FBXO31: variants seen among roughly 807,000 people sequenced by gnomAD.
FBXO31 encodes the protein F-box protein 31, also known as F-box only protein 31.
In FBXO31, 24 loss-of-function variants were observed where a neutral mutation model predicts 54.4. That is an observed-to-expected ratio of 0.44 (90% CI 0.32 to 0.62). The LOEUF (loss-of-function observed/expected upper bound fraction) is 0.62. FBXO31 is among the 20% of genes least tolerant of loss of function. The probability of loss-of-function intolerance (pLI) is 0.05; values close to 1 mark genes in which losing one functional copy is unlikely to be tolerated. For synonymous variants in FBXO31, 388 were observed against 335.6 expected (o/e 1.16, Z -1.71); for missense variants, 665 against 787.1 (o/e 0.84, Z 1.86).
intron 7 of FBXO31, among the ~76,000 whole-genome samples, chr16:87,334,600 G>A (rs569583044): frequency 8.5e-5 from 13 of 152,360 alleles, no homozygotes; most frequent in African/African-American, 2.9e-4. Flanking sequence ...GGCAGAGCTC[G>A]GGAGCCGAGC....
At chr16:87,367,508 C>G (rs147743328) in intron 1 of FBXO31, 1 of 152,374 alleles carries the variant, frequency 6.6e-6, no homozygotes, top group East Asian at 1.9e-4. Context: ...ACTATTTCCT[C>G]TGACTCTCCA....
At chr16:87,352,173 A>G (rs912251353) in intron 2 of FBXO31, among the ~76,000 whole-genome samples, 1 of 152,212 alleles carries the variant, frequency 6.6e-6, no homozygotes, top group Admixed American at 6.5e-5. Flanking sequence ...CCATAAAGAC[A>G]TAATATACAC....
rs1044552110 is a variant in FBXO31 at position 87,330,351 on chromosome 16, T to G, written c.*937A>C. 4 of 152,264 alleles carry G rather than the reference T, an allele frequency of 2.6e-5. No homozygotes were observed. Among genetic ancestry groups the G allele is most frequent in the Non-Finnish European group, 5.9e-5 (4 of 68,064 alleles). The allele number at this position is 152,264 out of a possible 1,614,324, so 9.4% of individuals were successfully genotyped here. A position where few individuals can be genotyped will look rare whatever the true frequency, so the allele number is the denominator to read the frequency against. ...GCAAAGGGGTTTCCTCGTCATCTCATATGGGCACTCCTGGCACCTGTGTGG... is the reference window on the plus strand; with the variant it reads ...GCAAAGGGGTTTCCTCGTCATCTCAGATGGGCACTCCTGGCACCTGTGTGG... On this transcript the variant is annotated 3_prime_UTR_variant, in exon 9 of 9. Coordinates refer to ENST00000311635, the MANE Select transcript of FBXO31 (RefSeq NM_024735.5).
In FBXO31 at chr16:87,336,254, G is replaced by A. The variant is rs1357271615; in HGVS notation, c.743C>T (p.Thr248Met). ...GCGCCCCCATTCCTCCCTCAGCCAC[G>A]TCCGAAACTCCTTCCAAAAGAACAC... ...MSGGRQEEFR[T>M]WLREEWGRTL... Residue 248 changes from threonine to methionine, a missense_variant, in exon 6 of 9, where the codon ACG (threonine) becomes ATG (methionine). This residue lies in a region of FBXO31 where 234 missense variants were observed against 346.8 expected (regional missense o/e 0.67). Transcript: ENST00000311635. The surrounding 1 kb of genome is among the most constrained non-coding windows in gnomAD (Gnocchi z 6.5). The A allele has an allele frequency of 1.2e-5, 19 of 1,613,908 alleles. No homozygotes were observed. Among genetic ancestry groups the A allele is most frequent in the African/African-American group, 2.7e-5 (2 of 74,906 alleles).
At chr16:87,334,762 C>A (rs1904990669) in intron 7 of FBXO31, among the ~76,000 whole-genome samples, 2 of 152,234 alleles carry the variant, frequency 1.3e-5, no homozygotes, top group African/African-American at 4.8e-5. Flanking sequence ...CTGCCAGGAT[C>A]CCCAATAACC....
At chr16:87,378,083 C>T (rs1373219428) in intron 1 of FBXO31, among the ~76,000 whole-genome samples, 2 of 151,072 alleles carry the variant, frequency 1.3e-5, no homozygotes, top group African/African-American at 2.4e-5. Context: ...TGCTTGAACC[C>T]GGGAGGCAGA....
chr16:87,351,994 C>T (rs1304727061), intron 2 of FBXO31, among the ~76,000 whole-genome samples: 1 of 152,200 alleles, frequency 6.6e-6, no homozygotes, highest in African/African-American at 2.4e-5. Context: ...CAACGCCAGG[C>T]TCCACAGCAG....
intron 2 of FBXO31, among the ~76,000 whole-genome samples, chr16:87,348,133 AC>A (rs1267131642): frequency 6.6e-6 from 1 of 151,392 alleles, no homozygotes; most frequent in Non-Finnish European, 1.5e-5. Flanking sequence ...GCAGGCCTGA[AC>A]CCCCAGCCCA....
intron 2 of FBXO31, among the ~76,000 whole-genome samples, chr16:87,359,762 G>A (rs907624243): frequency 1.3e-5 from 2 of 152,188 alleles, no homozygotes; most frequent in African/African-American, 4.8e-5. Flanking sequence ...TGGGGCCAAG[G>A]AGCCTCTGCC....
At chr16:87,376,708 G>A (rs369429099) in intron 1 of FBXO31, among the ~76,000 whole-genome samples, 3 of 152,320 alleles carry the variant, frequency 2.0e-5, no homozygotes, top group South Asian at 4.1e-4. Context: ...CTAAAAAGTG[G>A]AGCCACCCTT....
rs940614157 is a variant in FBXO31, at chr16:87,327,494, C to T, written c.*3794G>A. 4 of 152,356 alleles carry T rather than the reference C, an allele frequency of 2.6e-5. No individual in the cohort carries two copies. Among genetic ancestry groups the T allele is most frequent in the African/African-American group, 9.7e-5 (4 of 41,440 alleles). 9.4% of individuals were successfully genotyped at this position (152,356 alleles called of 1,614,324 possible). On this transcript the variant is annotated 3_prime_UTR_variant, in exon 9 of 9. Transcript: ENST00000311635. ...GCAACATGGCAAAACTCCATCTCTA[C>T]AAAAACAAGTTAGCCAAGCATGGTG...
At chr16:87,381,297 C>CA (rs919633762) in intron 1 of FBXO31, among the ~76,000 whole-genome samples, 4 of 151,786 alleles carry the variant, frequency 2.6e-5, no homozygotes, top group Non-Finnish European at 4.4e-5. Flanking sequence ...GAAAAAAGAC[C>CA]AAAAAAAGCC....
In FBXO31 at chr16:87,336,084, C is replaced by A; in HGVS notation, c.842+71G>T. 7.4e-7 allele frequency: 1 copy of A among 1,354,910 alleles called. No individual in the cohort carries two copies. The highest frequency in any genetic ancestry group is 1.0e-6 in the Non-Finnish European group (1 of 957,084). 83.9% of individuals were successfully genotyped at this position (1,354,910 alleles called of 1,614,324 possible). On this transcript the variant is annotated intron_variant, in intron 6 of 8. Coordinates refer to ENST00000311635, the MANE Select transcript of FBXO31 (RefSeq NM_024735.5). This position sits in a 1 kb window ranked among gnomAD's most constrained non-coding sequence, Gnocchi z 6.5. ...ACAAAGGACTATGCCCCAGCACCCA[C>A]CGGGACAGGGCTGGTCCCCAGCACA...
chr16:87,383,597 C>T lies in FBXO31; in HGVS notation c.148G>A (p.Val50Ile), dbSNP rs1415286617. The change falls in exon 1 of 9, where the codon GTC becomes ATC. Residue 50 changes from valine to isoleucine, a missense_variant. Physicochemically the swap from Val to Ile is conservative, Grantham distance 29. Transcript: ENST00000311635. This position sits in a 1 kb window ranked among gnomAD's most constrained non-coding sequence, Gnocchi z 4.9. ...EEERIEASAG[V>I]GGGLCAGPSP... ...GGGCCCGCGCACAAGCCGCCCCCGA[C>T]CCCGGCGCTAGCCTCGATGCGCTCC... 2 of 1,476,142 alleles carry T rather than the reference C, an allele frequency of 1.4e-6. No homozygotes were observed. The highest frequency in any genetic ancestry group is 1.3e-5 in the South Asian group (1 of 76,022). 91.4% of individuals were successfully genotyped at this position (1,476,142 alleles called of 1,614,324 possible).
In FBXO31 at chr16:87,383,639, C is replaced by G; in HGVS notation, c.106G>C (p.Asp36His). The change falls in exon 1 of 9, where the codon GAC (aspartate) becomes CAC (histidine). Residue 36 changes from aspartate (D) to histidine (H), a missense_variant. This residue lies in a region of FBXO31 where 195 missense variants were observed against 174.8 expected (regional missense o/e 1.12). Transcript: ENST00000311635. This position sits in a 1 kb window ranked among gnomAD's most constrained non-coding sequence, Gnocchi z 4.9. ...AETAAADSEP[D>H]TDPEEERIEA... The stretch of plus-strand genomic sequence containing the variant: ...ATGCGCTCCTCCTCGGGGTCTGTGT[C>G]CGGCTCGCTGTCGGCCGCCGCCGTC... The G allele has an allele frequency of 7.3e-7, 1 of 1,367,052 alleles. No individual in the cohort carries two copies. Among genetic ancestry groups the G allele is most frequent in the Admixed American group, 3.3e-5 (1 of 30,294 alleles). 84.7% of individuals were successfully genotyped at this position (1,367,052 alleles called of 1,614,324 possible).
At chr16:87,360,885 G>C (rs917049975) in intron 1 of FBXO31, among the ~76,000 whole-genome samples, 16 of 152,176 alleles carry the variant, frequency 1.1e-4, no homozygotes, top group African/African-American at 3.6e-4. Flanking sequence ...CCACTGGCTA[G>C]GCTTGGCCAG....
rs1377019407 is a variant in FBXO31, at chr16:87,336,927, C to CA, written c.733-664dup. Among the ~76,000 whole-genome samples, 1 of 152,190 alleles carries CA rather than the reference C, an allele frequency of 6.6e-6. No individual in the cohort carries two copies. Among genetic ancestry groups the CA allele is most frequent in the East Asian group, 1.9e-4 (1 of 5,202 alleles). Reference sequence around the variant, plus strand: ...AATTTACAGAATTCACCCAAACTTCCAAGTTCCCAGCTCAATACAGTGTTT... The same window carrying CA: ...AATTTACAGAATTCACCCAAACTTCCAAAGTTCCCAGCTCAATACAGTGTTT... On this transcript the variant is annotated intron_variant, in intron 5 of 8. Coordinates refer to ENST00000311635, the MANE Select transcript of FBXO31 (RefSeq NM_024735.5). The surrounding 1 kb of genome is among the most constrained non-coding windows in gnomAD (Gnocchi z 6.5).
upstream of FBXO31, among the ~76,000 whole-genome samples, chr16:87,391,088 CGCCT>C (rs1567496164): frequency 6.6e-6 from 1 of 152,090 alleles, no homozygotes; most frequent in African/African-American, 2.4e-5. Context: ...CAGTGGCTCA[CGCCT>C]GTAATCCCAA....
rs527392233 is a variant in FBXO31, at chr16:87,327,610, C to G, written c.*3678G>C. 2.6e-5 allele frequency: 4 copies of G among 152,316 alleles called. No individual in the cohort carries two copies. The highest frequency in any genetic ancestry group is 7.2e-5 in the African/African-American group (3 of 41,540). The allele number at this position is 152,316 out of a possible 1,614,324, so 9.4% of individuals were successfully genotyped here. On this transcript the variant is annotated 3_prime_UTR_variant, in exon 9 of 9. Transcript: ENST00000311635. ...GGTTGAGGCCTCAGGGAGCCATGAT[C>G]GCCGCTCTGCACTCCAGCCCAGGTG...
Sources: gnomAD v4.1 joint callset for allele counts (sites outside exome capture counted in the v4.1 genomes callset) on GRCh38, gnomAD v4.1.1 for gene constraint, gnomAD v4.1.1 regional missense constraint, Gnocchi (gnomAD v3.1) non-coding constraint, MANE v1.5 for transcripts, NCBI Gene and HGNC (gene_info 2026-07-23, HGNC 2026-07-21) for gene names.